The following FARP1 variants were observed in gnomAD, a reference collection of about 807,000 sequenced individuals.
FARP1 encodes the protein FERM, ARHGEF and pleckstrin domain-containing protein 1.
In FARP1, 52 loss-of-function variants were observed where a neutral mutation model predicts 128.8. The ratio of observed to expected loss-of-function variants is 0.40; its 90% confidence interval spans 0.32 to 0.51. FARP1 has a LOEUF of 0.51. Among genes scored for constraint, FARP1 ranks in the 20% least tolerant of loss-of-function variants. FARP1 has a pLI of 0.45. For synonymous variants in FARP1, 580 were observed against 551.8 expected, an observed-to-expected ratio of 1.05 and a Z score of -0.72; for missense variants, 1,333 against 1,367.9, an observed-to-expected ratio of 0.97 and a Z score of 0.40.
intron 3 of FARP1, among the ~76,000 whole-genome samples, chr13:98,362,465 T>G (rs531352129): frequency 6.6e-6 from 1 of 152,346 alleles, no homozygotes; most frequent in South Asian, 2.1e-4. Context: ...TCTCAGTTTC[T>G]TCCTTTGCGG....
intron 3 of FARP1, among the ~76,000 whole-genome samples, chr13:98,346,873 C>T (rs145282527): frequency 4.6e-5 from 7 of 152,222 alleles, no homozygotes; most frequent in African/African-American, 1.7e-4. Flanking sequence ...ATGCTGGTTC[C>T]GTGGATACAA....
At chr13:98,424,445 A>G (rs1891702950) in intron 16 of FARP1, 127 bp from the exon 17 acceptor site, 1 of 687,952 alleles carries the variant, frequency 1.5e-6, no homozygotes, top group Non-Finnish European at 2.7e-6. Flanking sequence ...CCATGACCCC[A>G]TAAGAAGTTC....
intron 1 of FARP1, among the ~76,000 whole-genome samples, chr13:98,179,316 C>T (rs1402954099): frequency 6.6e-6 from 1 of 152,112 alleles, no homozygotes; most frequent in African/African-American, 2.4e-5. Context: ...GGAAACTGCC[C>T]CCATGATTCA....
intron 12 of FARP1, 122 bp downstream of exon 12, chr13:98,393,840 G>A: frequency 1.3e-6 from 1 of 741,470 alleles, no homozygotes; most frequent in Non-Finnish European, 2.3e-6. Flanking sequence ...TAGCAGATGA[G>A]AATCTGATTA....
At chr13:98,331,295 G>A (rs999937394) in intron 2 of FARP1, among the ~76,000 whole-genome samples, 9 of 152,068 alleles carry the variant, frequency 5.9e-5, no homozygotes, top group East Asian at 5.8e-4. Context: ...CTATGTGTTC[G>A]TATTTTGTCC....
At chr13:98,282,869 C>T (rs1884995751) in intron 2 of FARP1, among the ~76,000 whole-genome samples, 1 of 152,042 alleles carries the variant, frequency 6.6e-6, no homozygotes, top group Admixed American at 6.6e-5. Context: ...CCACTGCACT[C>T]CGGCCTGGCA....
At chr13:98,255,280 A>G (rs1883529643) in intron 2 of FARP1, among the ~76,000 whole-genome samples, 1 of 152,160 alleles carries the variant, frequency 6.6e-6, no homozygotes, top group Non-Finnish European at 1.5e-5. Flanking sequence ...CGGGCGGATC[A>G]CAAGGTCAGG....
At chr13:98,426,254 A>G (rs547720428) in intron 17 of FARP1, among the ~76,000 whole-genome samples, 1 of 152,276 alleles carries the variant, frequency 6.6e-6, no homozygotes, top group Non-Finnish European at 1.5e-5. Context: ...TTGGGAGGCT[A>G]AGGTGGGAGG....
At chr13:98,389,737 G>A (rs1018627669) in intron 9 of FARP1, 17 of 469,414 alleles carry the variant, frequency 3.6e-5, no homozygotes, top group African/African-American at 9.7e-5. Flanking sequence ...TCTGTTACCC[G>A]TCTAAGAGAT....
chr13:98,419,054 G>A (rs1376862514), intron 16 of FARP1, among the ~76,000 whole-genome samples: 1 of 152,170 alleles, frequency 6.6e-6, no homozygotes, highest in Non-Finnish European at 1.5e-5. Context: ...CGGCGTTCCC[G>A]GCCCATTGAA....
chr13:98,190,643 G>C (rs1399724951), intron 1 of FARP1, among the ~76,000 whole-genome samples: 1 of 152,080 alleles, frequency 6.6e-6, no homozygotes, highest in African/African-American at 2.4e-5. Flanking sequence ...GCTCACTGCA[G>C]TCTCAGCTCC....
At chr13:98,239,254 C>A (rs149805261) in intron 2 of FARP1, among the ~76,000 whole-genome samples, 1 of 152,270 alleles carries the variant, frequency 6.6e-6, no homozygotes, top group African/African-American at 2.4e-5. Context: ...AGGTTCTCTA[C>A]CCTGGACCGA....
Position 98,344,029 on chromosome 13 carries a change from T to C in FARP1, c.276+163T>C, listed in dbSNP as rs9584811. 5.3e-3 allele frequency among the ~76,000 whole-genome samples: 806 copies of C among 152,086 alleles called. 10 individuals are homozygous for C. The highest frequency in any genetic ancestry group is 0.018 in the African/African-American group (741 of 41,354). ...GTGTATTTGACACCTCAGTACCTCTTGGTTTAGACTAGCCATGTTTCAAGT... is the reference window on the plus strand; with the variant it reads ...GTGTATTTGACACCTCAGTACCTCTCGGTTTAGACTAGCCATGTTTCAAGT... On this transcript the variant is annotated intron_variant, in intron 3 of 26. Coordinates refer to ENST00000319562, the MANE Select transcript of FARP1 (RefSeq NM_005766.4).
intron 2 of FARP1, among the ~76,000 whole-genome samples, chr13:98,247,136 G>C (rs1293901164): frequency 6.6e-6 from 1 of 152,240 alleles, no homozygotes; most frequent in Admixed American, 6.5e-5. Context: ...CAGCTATTCG[G>C]GAGGCTGAGG....
At chr13:98,383,343 A>C (rs1889962509) in intron 6 of FARP1, among the ~76,000 whole-genome samples, 1 of 152,242 alleles carries the variant, frequency 6.6e-6, no homozygotes, top group Non-Finnish European at 1.5e-5. Context: ...AAATCAGTCC[A>C]GAAAAGGCAA....
chr13:98,335,874 G>A (rs1887718900), intron 2 of FARP1, among the ~76,000 whole-genome samples: 1 of 152,202 alleles, frequency 6.6e-6, no homozygotes, highest in South Asian at 2.1e-4. Context: ...TTCGAGACCA[G>A]CCATTCCCTT....
intron 5 of FARP1, among the ~76,000 whole-genome samples, chr13:98,369,376 T>C (rs1889232830): frequency 6.7e-6 from 1 of 149,370 alleles, no homozygotes; most frequent in Admixed American, 6.7e-5. Context: ...TTTTTTATCA[T>C]TATTATACTT....
intron 3 of FARP1, among the ~76,000 whole-genome samples, chr13:98,358,072 T>G (rs1013638123): frequency 1.1e-4 from 15 of 138,700 alleles, no homozygotes; most frequent in Non-Finnish European, 1.9e-4. Context: ...TACATTTCTG[T>G]TTTTTTTTTT....
chr13:98,232,236 C>G (rs1012669769), intron 2 of FARP1, among the ~76,000 whole-genome samples: 3 of 138,478 alleles, frequency 2.2e-5, no homozygotes, highest in Non-Finnish European at 4.6e-5. Flanking sequence ...ACCATGTAAA[C>G]TACAGTTTGG....
Sources: allele counts gnomAD v4.1 joint callset (sites outside exome capture counted in the v4.1 genomes callset), GRCh38; gene constraint gnomAD v4.1.1; transcripts MANE v1.5; gene names NCBI Gene and HGNC (gene_info 2026-07-23, HGNC 2026-07-21).